The following ARHGAP15 variants were observed in gnomAD, a reference collection of about 807,000 sequenced individuals.
The protein encoded by ARHGAP15 is rho GTPase-activating protein 15.
Under a neutral mutation model 63.7 loss-of-function variants are expected in ARHGAP15, and 51 were observed. The observed-to-expected ratio is 0.80, with a 90% confidence interval of 0.64 to 1.01. The LOEUF (loss-of-function observed/expected upper bound fraction) is 1.01, where lower values mean the gene tolerates loss of function less well. Ranked by LOEUF, ARHGAP15 falls within the 50% of genes least tolerant of loss-of-function variation. The pLI, the probability that ARHGAP15 is intolerant of heterozygous loss-of-function variation, is 0.00. For missense variants in ARHGAP15, 560 were observed against 564.6 expected (o/e 0.99, Z 0.08); for synonymous variants, 191 against 193.8 (o/e 0.99, Z 0.12).
intron 11 of ARHGAP15, among the ~76,000 whole-genome samples, chr2:143,616,704 A>G (rs1469728479): frequency 6.6e-6 from 1 of 152,206 alleles, no homozygotes; most frequent in Non-Finnish European, 1.5e-5. Context: ...TATTCTACGC[A>G]CAGGTCTGTC....
intron 8 of ARHGAP15, among the ~76,000 whole-genome samples, chr2:143,483,487 C>T (rs11889297): frequency 2.1e-3 from 320 of 152,248 alleles, no homozygotes; most frequent in African/African-American, 7.5e-3. Flanking sequence ...CTTTTGTAAC[C>T]TGTGAAAACT....
intron 11 of ARHGAP15, among the ~76,000 whole-genome samples, chr2:143,580,178 T>C (rs1206518601): frequency 1.3e-5 from 2 of 151,762 alleles, no homozygotes; most frequent in East Asian, 1.9e-4. Flanking sequence ...GTGACTTAAT[T>C]AGGGGCTAAA....
chr2:143,239,986 G>GT (rs1693799046), intron 5 of ARHGAP15, among the ~76,000 whole-genome samples: 1 of 57,934 alleles, frequency 1.7e-5, no homozygotes, highest in African/African-American at 7.2e-5. Context: ...GTGAGACTCT[G>GT]TCTCAAAAAA....
chr2:143,768,264 CT>C lies in ARHGAP15; in HGVS notation c.*95del. 7.7e-7 allele frequency: 1 copy of C among 1,297,564 alleles called. No homozygotes were observed. Among genetic ancestry groups the C allele is most frequent in the Non-Finnish European group, 1.0e-6 (1 of 956,590 alleles). The allele number at this position is 1,297,564 out of a possible 1,614,324, so 80.4% of individuals were successfully genotyped here. A position where few individuals can be genotyped will look rare whatever the true frequency, so the allele number is the denominator to read the frequency against. On this transcript the variant is annotated 3_prime_UTR_variant, in exon 14 of 14. Transcript: ENST00000295095. ...AACATATTTCTGAAATATTTTTTGC[CT>C]TTCAAGCGACAGATGCCTCATTTTG...
intron 4 of ARHGAP15, 140 bp downstream of exon 4, chr2:143,216,585 A>T (rs1692766159): frequency 1.7e-6 from 1 of 590,912 alleles, no homozygotes; most frequent in African/African-American, 1.9e-5. Flanking sequence ...TATGATCAAC[A>T]TTATTTTTAA....
chr2:143,262,077 A>C (rs1680749387), intron 6 of ARHGAP15, among the ~76,000 whole-genome samples: 1 of 152,182 alleles, frequency 6.6e-6, no homozygotes, highest in Non-Finnish European at 1.5e-5. Context: ...TATCCACAGC[A>C]GATAGTAAAA....
At chr2:143,422,574 A>G (rs1296932306) in intron 6 of ARHGAP15, among the ~76,000 whole-genome samples, 1 of 152,156 alleles carries the variant, frequency 6.6e-6, no homozygotes, top group African/African-American at 2.4e-5. Flanking sequence ...AATAACAAGG[A>G]TATTTTAAAG....
chr2:143,450,115 TC>T (rs1690341850), intron 8 of ARHGAP15, among the ~76,000 whole-genome samples: 1 of 151,022 alleles, frequency 6.6e-6, no homozygotes, highest in African/African-American at 2.4e-5. Flanking sequence ...TTTTTTTTTT[TC>T]CTAGTAGGTA....
chr2:143,265,633 A>G (rs1680950037), intron 6 of ARHGAP15, among the ~76,000 whole-genome samples: 1 of 152,158 alleles, frequency 6.6e-6, no homozygotes, highest in South Asian at 2.1e-4. Flanking sequence ...ACACATAGAA[A>G]GTGTTATTAT....
chr2:143,397,835 T>C (rs1461553014), intron 6 of ARHGAP15, among the ~76,000 whole-genome samples: 1 of 152,134 alleles, frequency 6.6e-6, no homozygotes, highest in Non-Finnish European at 1.5e-5. Flanking sequence ...TTTGGAGTAG[T>C]CCTCTTTAAT....
At chr2:143,591,360 A>G (rs1326534467) in intron 11 of ARHGAP15, among the ~76,000 whole-genome samples, 1 of 152,162 alleles carries the variant, frequency 6.6e-6, no homozygotes, top group Admixed American at 6.6e-5. Flanking sequence ...TAGGCACAAA[A>G]CAACATTTGC....
At chr2:143,327,467 G>A (rs146378854) in intron 6 of ARHGAP15, among the ~76,000 whole-genome samples, 93 of 152,192 alleles carry the variant, frequency 6.1e-4, no homozygotes, top group African/African-American at 2.0e-3. Flanking sequence ...GAATAAAGCC[G>A]GAGGCATCAC....
chr2:143,765,241 A>G (rs1169970946), intron 13 of ARHGAP15, among the ~76,000 whole-genome samples: 1 of 151,960 alleles, frequency 6.6e-6, no homozygotes, highest in East Asian at 1.9e-4. Context: ...AGTCTTACTA[A>G]TGGCTTTTAT....
At chr2:143,554,750 A>C (rs1024993337) in intron 10 of ARHGAP15, among the ~76,000 whole-genome samples, 1 of 152,126 alleles carries the variant, frequency 6.6e-6, no homozygotes, top group Non-Finnish European at 1.5e-5. Flanking sequence ...ATATTAGAAA[A>C]ATTTTAATTA....
chr2:143,389,497 G>C lies in ARHGAP15; in HGVS notation c.475-46104G>C, dbSNP rs189370325. Among the ~76,000 whole-genome samples, 99 of 152,286 alleles carry C rather than the reference G, an allele frequency of 6.5e-4. 1 individual carries two copies. Among genetic ancestry groups the C allele is most frequent in the African/African-American group, 2.1e-3 (88 of 41,574 alleles). ...AAACATGTCAGCATTTTCCCCGGCAGGTTCAGAAGTTTGATGCTGAAATAC... is the reference window on the plus strand; with the variant it reads ...AAACATGTCAGCATTTTCCCCGGCACGTTCAGAAGTTTGATGCTGAAATAC... On this transcript the variant is annotated intron_variant, in intron 6 of 13. Coordinates refer to ENST00000295095, the MANE Select transcript of ARHGAP15 (RefSeq NM_018460.4).
chr2:143,153,828 T>C (rs2581262), intron 1 of ARHGAP15, among the ~76,000 whole-genome samples: 6,260 of 74,502 alleles, frequency 0.084, 345 homozygotes, highest in Middle Eastern at 0.14. Context: ...CTTCTTCTTC[T>C]TCTTCTTCTT....
At chr2:143,430,455 G>A (rs1689336715) in intron 6 of ARHGAP15, among the ~76,000 whole-genome samples, 1 of 151,948 alleles carries the variant, frequency 6.6e-6, no homozygotes, top group Non-Finnish European at 1.5e-5. Flanking sequence ...AAACACCTTT[G>A]AGACCAAGTA....
At chr2:143,214,107 G>T (rs549494988) in intron 3 of ARHGAP15, among the ~76,000 whole-genome samples, 1 of 151,960 alleles carries the variant, frequency 6.6e-6, no homozygotes, top group African/African-American at 2.4e-5. Context: ...ATCTTTGTGG[G>T]TAGCAAATGT....
At chr2:143,157,234 A>C (rs1690117546) in intron 2 of ARHGAP15, among the ~76,000 whole-genome samples, 1 of 151,894 alleles carries the variant, frequency 6.6e-6, no homozygotes, top group Admixed American at 6.6e-5. Flanking sequence ...ATGCACTATT[A>C]CCTTGACTGA....
Sources: gnomAD v4.1 joint callset for allele counts (sites outside exome capture counted in the v4.1 genomes callset) on GRCh38, gnomAD v4.1.1 for gene constraint, MANE v1.5 for transcripts, NCBI Gene and HGNC (gene_info 2026-07-23, HGNC 2026-07-21) for gene names.